Variants in SNX27 observed in about 807,000 individuals in gnomAD.
The protein encoded by SNX27 is sorting nexin 27.
SNX27 carries 22 observed loss-of-function variants against 71.6 expected under a neutral mutation model. The observed-to-expected ratio is 0.31, with a 90% CI of 0.22 to 0.44. SNX27 has a LOEUF of 0.44. Among genes scored for constraint, SNX27 ranks in the 20% least tolerant of loss-of-function variants. SNX27 has a pLI of 1.00. For synonymous variants in SNX27, 269 were observed against 277.2 expected, an observed-to-expected ratio of 0.97 and a Z score of 0.29; for missense variants, 531 against 698.6, an observed-to-expected ratio of 0.76 and a Z score of 2.70.
At chr1:151,683,158 C>G (rs1671043747) in intron 7 of SNX27, among the ~76,000 whole-genome samples, 198 bp from the exon 8 acceptor site, 1 of 152,152 alleles carries the variant, frequency 6.6e-6, no homozygotes, top group African/African-American at 2.4e-5. Context: ...CATATGGGGA[C>G]TACAATTTGA....
intron 5 of SNX27, among the ~76,000 whole-genome samples, chr1:151,663,546 G>A (rs1309729278): frequency 1.3e-5 from 2 of 151,790 alleles, no homozygotes; most frequent in African/African-American, 4.8e-5. Flanking sequence ...ATGGGTCAGT[G>A]TCCTGTGGAA....
chr1:151,678,913 G>A (rs1007366523), intron 7 of SNX27: 9 of 152,020 alleles, frequency 5.9e-5, no homozygotes, highest in African/African-American at 2.2e-4. Context: ...TAGTAGAGAT[G>A]GGGTTTTACC....
chr1:151,620,815 G>A (rs967633107), intron 1 of SNX27, among the ~76,000 whole-genome samples: 10 of 151,626 alleles, frequency 6.6e-5, no homozygotes, highest in Non-Finnish European at 1.0e-4. Context: ...TTAGCCTCCT[G>A]AGTAGCTGGG....
chr1:151,662,488 T>A, intron 5 of SNX27: 1 of 295,200 alleles, frequency 3.4e-6, no homozygotes, highest in Admixed American at 4.6e-5. Context: ...GATTAACGCC[T>A]CCTTTTTTTT....
intron 7 of SNX27, chr1:151,680,022 C>T (rs1250266808): frequency 6.6e-6 from 1 of 151,766 alleles, no homozygotes; most frequent in Non-Finnish European, 1.5e-5. Context: ...TATTAGGAGC[C>T]TTTTAGTACT....
chr1:151,631,270 T>C (rs533143855), intron 1 of SNX27, among the ~76,000 whole-genome samples: 1 of 152,234 alleles, frequency 6.6e-6, no homozygotes, highest in Non-Finnish European at 1.5e-5. Context: ...TCTTCTCATA[T>C]GCCAGGGGTC....
chr1:151,690,506 G>C (rs1671388318), intron 8 of SNX27, among the ~76,000 whole-genome samples: 1 of 152,098 alleles, frequency 6.6e-6, no homozygotes, highest in African/African-American at 2.4e-5. Flanking sequence ...TCTCAGCCAG[G>C]CTGGAGTGCA....
At chr1:151,634,285 T>A (rs960605292) in intron 1 of SNX27, among the ~76,000 whole-genome samples, 22 of 152,178 alleles carry the variant, frequency 1.4e-4, no homozygotes, top group African/African-American at 5.3e-4. Flanking sequence ...ACTAATTACT[T>A]TTTTATTACT....
rs532368057 is a variant in SNX27, at chr1:151,665,832, AAC to A, written c.907-100_907-99del. 43 of 877,014 alleles carry A rather than the reference AAC, an allele frequency of 4.9e-5. No homozygotes were observed. In the East Asian group the frequency reaches 1.1e-3, roughly 22 times the overall value. The allele number at this position is 877,014 out of a possible 1,614,324, so 54.3% of individuals were successfully genotyped here. A position where few individuals can be genotyped will look rare whatever the true frequency, so the allele number is the denominator to read the frequency against. On this transcript the variant is annotated intron_variant, in intron 5 of 11. Transcript: ENST00000458013. ...AATTTTTGTGAGGCCAAGATGGCAG[AAC>A]CTCTCCCCTTTCCCTCCTCCACAGA...
chr1:151,662,032 A>G, intron 4 of SNX27, 134 bp from the exon 5 acceptor site: 2 of 537,692 alleles, frequency 3.7e-6, no homozygotes, highest in Non-Finnish European at 6.8e-6. Flanking sequence ...TTGTAAATGT[A>G]TTGATTTTTT....
rs145459653 is a variant in SNX27 at position 151,670,295 on chromosome 1, G to A, written c.1149+1660G>A. ...CCACATTTTCTTTATCCATTCATCC[G>A]TTGATGGATGCTTAAGTTGCTTCTA... On this transcript the variant is annotated intron_variant, in intron 7 of 11. Coordinates refer to ENST00000458013, the MANE Select transcript of SNX27 (RefSeq NM_001330723.2). Among the ~76,000 whole-genome samples the A allele has an allele frequency of 2.4e-3, 366 of 152,216 alleles. 2 individuals are homozygous for A. Among genetic ancestry groups the A allele is most frequent in the African/African-American group, 8.3e-3 (343 of 41,528 alleles).
At chr1:151,623,597 A>G (rs1004538539) in intron 1 of SNX27, among the ~76,000 whole-genome samples, 1 of 151,502 alleles carries the variant, frequency 6.6e-6, no homozygotes, top group Non-Finnish European at 1.5e-5. Context: ...ACAAGGTCCC[A>G]CTTTGTTGCC....
Position 151,696,531 on chromosome 1 carries a change from TTCTTTCTTTCTTTC to T in SNX27, c.*2128_*2141del, listed in dbSNP as rs1671738361. The T allele has an allele frequency of 6.8e-6, 1 of 147,766 alleles. No individual in the cohort carries two copies. The highest frequency in any genetic ancestry group is 2.7e-5 in the African/African-American group (1 of 37,734). 9.2% of individuals were successfully genotyped at this position (147,766 alleles called of 1,614,324 possible). Reference sequence around the variant, plus strand: ...GTTCTTTCGTTCTTTCGTTCTTTCTTTCTTTCTTTCTTTCTCTTTCTTTCTTTTGCTTTCCTTCT... The same window carrying T: ...GTTCTTTCGTTCTTTCGTTCTTTCTTTCTTTCTTTCTTTTGCTTTCCTTCT... On this transcript the variant is annotated 3_prime_UTR_variant, in exon 12 of 12. Coordinates refer to ENST00000458013, the MANE Select transcript of SNX27 (RefSeq NM_001330723.2).
chr1:151,659,881 T>C (rs79230076), intron 3 of SNX27: 1 of 152,258 alleles, frequency 6.6e-6, no homozygotes, highest in Non-Finnish European at 1.5e-5. Flanking sequence ...AATACTGGCT[T>C]ATAGAATAAC....
chr1:151,673,974 G>GT (rs200146309), intron 7 of SNX27, among the ~76,000 whole-genome samples: 99 of 151,010 alleles, frequency 6.6e-4, no homozygotes, highest in African/African-American at 2.1e-3. Flanking sequence ...AGTGGTTCTT[G>GT]TTTTTTTTTA....
chr1:151,651,737 G>A (rs1669391799), intron 2 of SNX27, among the ~76,000 whole-genome samples: 1 of 151,546 alleles, frequency 6.6e-6, no homozygotes, highest in South Asian at 2.1e-4. Context: ...CAGGCAGAGG[G>A]GCTCCTCACA....
chr1:151,624,801 T>A, intron 1 of SNX27, among the ~76,000 whole-genome samples: 1 of 152,194 alleles, frequency 6.6e-6, no homozygotes, highest in East Asian at 1.9e-4. Flanking sequence ...CTTTTTTCTC[T>A]GAATGACAAG....
intron 5 of SNX27, 180 bp downstream of exon 5, chr1:151,662,450 G>T (rs756593928): frequency 1.5e-5 from 6 of 401,194 alleles, no homozygotes; most frequent in Non-Finnish European, 2.8e-5. Context: ...AGAAAGGTAC[G>T]GTAAATATCC....
chr1:151,639,180 T>C, intron 2 of SNX27, 61 bp downstream of exon 2: 1 of 1,433,284 alleles, frequency 7.0e-7, no homozygotes, highest in Non-Finnish European at 9.6e-7. Context: ...GTCTTATAAT[T>C]ATGAAACTAT....
Sources: gnomAD v4.1 joint callset for allele counts (sites outside exome capture counted in the v4.1 genomes callset) on GRCh38, gnomAD v4.1.1 for gene constraint, MANE v1.5 for transcripts, NCBI Gene and HGNC (gene_info 2026-07-23, HGNC 2026-07-21) for gene names.